ATRNL1: variants seen among roughly 807,000 people sequenced by gnomAD.
ATRNL1 encodes attractin-like protein 1.
Under a neutral mutation model 182.7 loss-of-function variants are expected in ATRNL1, and 95 were observed. The observed-to-expected ratio is 0.52, with a 90% CI of 0.44 to 0.62. ATRNL1 has a LOEUF of 0.62. ATRNL1 is among the 20% of genes least tolerant of loss of function. The probability of loss-of-function intolerance (pLI) is 0.00; values close to 1 mark genes in which losing one functional copy is unlikely to be tolerated. For synonymous variants in ATRNL1, 576 were observed against 568.3 expected (o/e 1.01, Z -0.19); for missense variants, 1,471 against 1,679.5 (o/e 0.88, Z 2.17).
intron 25 of ATRNL1, among the ~76,000 whole-genome samples, chr10:115,531,461 T>A (rs1479438872): frequency 6.6e-6 from 1 of 152,220 alleles, no homozygotes; most frequent in East Asian, 1.9e-4. Flanking sequence ...CTTTGGCCAC[T>A]TTTTGATGGG....
intron 27 of ATRNL1, among the ~76,000 whole-genome samples, chr10:115,816,493 G>A (rs1210458921): frequency 2.0e-5 from 3 of 152,206 alleles, no homozygotes; most frequent in Admixed American, 1.3e-4. Flanking sequence ...TAGCTAACAA[G>A]TAAGGCCATA....
intron 8 of ATRNL1, among the ~76,000 whole-genome samples, chr10:115,193,277 T>C (rs1554890259): frequency 1.3e-5 from 2 of 152,040 alleles, no homozygotes; most frequent in African/African-American, 4.8e-5. Context: ...GAAAGGATTT[T>C]GAATTATTGA....
intron 26 of ATRNL1, among the ~76,000 whole-genome samples, chr10:115,579,764 T>C (rs998526383): frequency 2.0e-5 from 3 of 152,042 alleles, no homozygotes; most frequent in Non-Finnish European, 4.4e-5. Flanking sequence ...GCCATTTTGT[T>C]AACTGTTTTC....
chr10:115,223,929 A>ATATATATATTTTTTTTTTTTTT (rs1420143943), intron 9 of ATRNL1, among the ~76,000 whole-genome samples: 2 of 44,714 alleles, frequency 4.5e-5, no homozygotes, highest in African/African-American at 1.8e-4. Context: ...ATATATATAT[A>ATATATATATTTTTTTTTTTTTT]TTTTTTTTTT....
chr10:115,727,330 CAG>C lies in ATRNL1; in HGVS notation c.3881_3882del (p.Glu1294ValfsTer16), dbSNP rs1455470449. 6.2e-7 allele frequency: 1 copy of C among 1,614,052 alleles called. No individual in the cohort carries two copies. Among genetic ancestry groups the C allele is most frequent in the Non-Finnish European group, 8.5e-7 (1 of 1,179,946 alleles). On this transcript the variant is annotated frameshift_variant, in exon 27 of 29. Coordinates refer to ENST00000355044, the MANE Select transcript of ATRNL1 (RefSeq NM_207303.4). LOFTEE classifies it high-confidence loss of function. ...GCTCTGGAAGTGGGAGCTGAACAAA[CAG>C]AGTTTCTGCGAGGGCCATTAGAGGT...
At chr10:115,386,955 G>C (rs1261870327) in intron 19 of ATRNL1, among the ~76,000 whole-genome samples, 2 of 151,376 alleles carry the variant, frequency 1.3e-5, no homozygotes, top group Admixed American at 1.3e-4. Flanking sequence ...CTGCTATAAA[G>C]ACACATGCAC....
At chr10:115,290,274 AGTG>A (rs1852831351) in intron 15 of ATRNL1, among the ~76,000 whole-genome samples, 1 of 152,152 alleles carries the variant, frequency 6.6e-6, no homozygotes, top group African/African-American at 2.4e-5. Context: ...GTAGAGTTGA[AGTG>A]GTGTCATTCC....
At chr10:115,629,269 G>A (rs369515243) in intron 26 of ATRNL1, among the ~76,000 whole-genome samples, 2 of 152,238 alleles carry the variant, frequency 1.3e-5, no homozygotes, top group East Asian at 1.9e-4. Context: ...TGTTTAGTGC[G>A]GGTCCAACTT....
chr10:115,795,735 A>G (rs1289457770), intron 27 of ATRNL1, among the ~76,000 whole-genome samples: 2 of 152,110 alleles, frequency 1.3e-5, no homozygotes, highest in Non-Finnish European at 2.9e-5. Context: ...GATCTCTTGC[A>G]AACTCTATCA....
intron 5 of ATRNL1, among the ~76,000 whole-genome samples, chr10:115,132,507 C>G (rs560300241): frequency 3.9e-4 from 60 of 152,316 alleles, no homozygotes; most frequent in African/African-American, 1.4e-3. Context: ...AATTGCCACA[C>G]TGTCTTCCAC....
chr10:115,206,279 G>A (rs10885669), intron 8 of ATRNL1, among the ~76,000 whole-genome samples: 32,014 of 151,966 alleles, frequency 0.21, 4,317 homozygotes, highest in Non-Finnish European at 0.3. Context: ...ATTGTTACAT[G>A]CTTGGTGTGG....
chr10:115,262,983 T>A (rs1156564763), intron 10 of ATRNL1, among the ~76,000 whole-genome samples: 1 of 151,996 alleles, frequency 6.6e-6, no homozygotes, highest in African/African-American at 2.4e-5. Flanking sequence ...TCTTTTCTTA[T>A]ACCTCTTGGA....
chr10:115,844,754 C>T (rs1208448860), intron 27 of ATRNL1, among the ~76,000 whole-genome samples: 2 of 151,994 alleles, frequency 1.3e-5, no homozygotes, highest in Non-Finnish European at 2.9e-5. Flanking sequence ...TATGAAAATG[C>T]CTAGAAGTAA....
rs782788167 is a variant in ATRNL1 at position 115,847,868 on chromosome 10, C to G, written c.3904-9C>G. Reference sequence around the variant, plus strand: ...ATTTTGCAAACTTAAAGTGGGTTTTCTTTTTCAGGGGGCACCCAAGCCAAT... The same window carrying G: ...ATTTTGCAAACTTAAAGTGGGTTTTGTTTTTCAGGGGGCACCCAAGCCAAT... On this transcript the variant is annotated splice_polypyrimidine_tract_variant and intron_variant, in intron 27 of 28. Transcript: ENST00000355044. 6.4e-7 allele frequency: 1 copy of G among 1,565,690 alleles called. No homozygotes were observed. The highest frequency in any genetic ancestry group is 2.2e-5 in the East Asian group (1 of 44,618).
intron 27 of ATRNL1, among the ~76,000 whole-genome samples, chr10:115,775,433 A>T (rs1949099020): frequency 6.6e-6 from 1 of 152,210 alleles, no homozygotes; most frequent in Admixed American, 6.5e-5. Context: ...CAATCAGAAA[A>T]TATTGACTTA....
chr10:115,415,910 G>T, intron 20 of ATRNL1, among the ~76,000 whole-genome samples: 1 of 151,796 alleles, frequency 6.6e-6, no homozygotes, highest in Non-Finnish European at 1.5e-5. Context: ...GTACACATTT[G>T]GTCTATTTAT....
intron 27 of ATRNL1, among the ~76,000 whole-genome samples, chr10:115,754,647 T>C (rs1330388324): frequency 1.3e-5 from 2 of 152,202 alleles, no homozygotes; most frequent in Non-Finnish European, 1.5e-5. Flanking sequence ...GTCTTGGCAG[T>C]GAGGGCACTT....
intron 28 of ATRNL1, among the ~76,000 whole-genome samples, chr10:115,917,498 G>A (rs1212087437): frequency 7.7e-6 from 1 of 130,342 alleles, no homozygotes; most frequent in African/African-American, 2.8e-5. Context: ...AAAAAAAAAC[G>A]GGGCCATGAT....
intron 21 of ATRNL1, among the ~76,000 whole-genome samples, chr10:115,460,288 C>A (rs1847729824): frequency 6.6e-6 from 1 of 152,070 alleles, no homozygotes; most frequent in Non-Finnish European, 1.5e-5. Context: ...TCTGGCTATT[C>A]AATAAATTTC....
Sources: allele counts gnomAD v4.1 joint callset (sites outside exome capture counted in the v4.1 genomes callset), GRCh38; gene constraint gnomAD v4.1.1; transcripts MANE v1.5; gene names NCBI Gene and HGNC (gene_info 2026-07-23, HGNC 2026-07-21).